PRDM16: variants seen among roughly 807,000 people sequenced by gnomAD.
PRDM16 encodes the protein histone-lysine N-methyltransferase PRDM16.
In PRDM16, 23 loss-of-function variants were observed where a neutral mutation model predicts 110.6. The ratio of observed to expected loss-of-function variants is 0.21; its 90% CI spans 0.15 to 0.29. The LOEUF is 0.29. PRDM16 is among the 10% of genes least tolerant of loss of function. The pLI is 1.00. For synonymous variants in PRDM16, 799 were observed against 781.8 expected (o/e 1.02, Z -0.37); for missense variants, 1,615 against 1,794.3 (o/e 0.90, Z 1.81).
At chr1:3,177,436 C>T (rs1569767995) in intron 1 of PRDM16, among the ~76,000 whole-genome samples, 1 of 152,236 alleles carries the variant, frequency 6.6e-6, no homozygotes, top group African/African-American at 2.4e-5. Context: ...TCTCCCAGCT[C>T]GTTCCTGACT....
In PRDM16 at chr1:3,426,124, C is replaced by A. The variant is rs761040406; in HGVS notation, c.3183C>A (p.Asn1061Lys). The change falls in exon 14 of 17, where the codon AAC becomes AAA. Residue 1061 changes from asparagine (N) to lysine (K), a missense_variant. Coordinates refer to ENST00000270722, the MANE Select transcript of PRDM16 (RefSeq NM_022114.4). ...SASSPTSESD[N>K]HALLDEKEDS... Reference sequence around the variant, plus strand: ...CCTCTCCCACCTCAGAGTCGGACAACCACGCACTTTTAGACGAGAAAGAAG... The same window carrying A: ...CCTCTCCCACCTCAGAGTCGGACAAACACGCACTTTTAGACGAGAAAGAAG... 1 of 1,613,998 alleles carries A rather than the reference C, an allele frequency of 6.2e-7. No individual in the cohort carries two copies. Among genetic ancestry groups the A allele is most frequent in the South Asian group, 1.1e-5 (1 of 91,058 alleles).
chr1:3,227,222 T>G (rs1639308256), intron 2 of PRDM16, among the ~76,000 whole-genome samples: 1 of 152,244 alleles, frequency 6.6e-6, no homozygotes, highest in African/African-American at 2.4e-5. Context: ...GGCGAGGACC[T>G]GCAGCTCACA....
chr1:3,432,111 C>T lies in PRDM16; in HGVS notation c.3667C>T (p.His1223Tyr), dbSNP rs1485523092. 8 of 1,613,766 alleles carry T rather than the reference C, an allele frequency of 5.0e-6. No homozygotes were observed. Among genetic ancestry groups the T allele is most frequent in the African/African-American group, 2.7e-5 (2 of 74,930 alleles). Residue 1223 changes from histidine to tyrosine, a missense_variant, in exon 16 of 17, where the codon CAT (histidine) becomes TAT (tyrosine). This residue lies in a region of PRDM16 where 327 missense variants were observed against 359.3 expected (regional missense o/e 0.91). Transcript: ENST00000270722. The part of the protein sequence containing the change: ...NSTLDSEALK[H>Y]TLCRQAKNQA... Reference sequence around the variant, plus strand: ...CACCTTAGATTCTGAGGCTTTAAAACATACACTGTGCAGGCAGGCTAAGAA... The same window carrying T: ...CACCTTAGATTCTGAGGCTTTAAAATATACACTGTGCAGGCAGGCTAAGAA...
At chr1:3,154,249 T>C (rs566328570) in intron 1 of PRDM16, among the ~76,000 whole-genome samples, 1 of 152,196 alleles carries the variant, frequency 6.6e-6, no homozygotes, top group African/African-American at 2.4e-5. Flanking sequence ...GGACTGGCGC[T>C]GTCACCACGG....
In PRDM16 at chr1:3,245,678, G is replaced by A. The variant is rs951147156; in HGVS notation, c.438+1541G>A. ...CTGGAGCAAATGGAGCAAATTCCAGGGCTGGTCTTTTCCACTTTCCCTCTT... is the reference window on the plus strand; with the variant it reads ...CTGGAGCAAATGGAGCAAATTCCAGAGCTGGTCTTTTCCACTTTCCCTCTT... On this transcript the variant is annotated intron_variant, in intron 3 of 16. Coordinates refer to ENST00000270722, the MANE Select transcript of PRDM16 (RefSeq NM_022114.4). The surrounding 1 kb of genome is among the most constrained non-coding windows in gnomAD (Gnocchi z 4.7). Among the ~76,000 whole-genome samples the A allele has an allele frequency of 6.6e-6, 1 of 152,138 alleles. No homozygotes were observed. The highest frequency in any genetic ancestry group is 2.4e-5 in the African/African-American group (1 of 41,432).
intron 2 of PRDM16, among the ~76,000 whole-genome samples, chr1:3,222,898 C>T (rs1192369530): frequency 6.6e-6 from 1 of 152,090 alleles, no homozygotes; most frequent in Non-Finnish European, 1.5e-5. Context: ...GCAGTTTGCC[C>T]TCAAGGCCGG....
At position 3,339,656 on chromosome 1, in the gene PRDM16, A is replaced by C. The variant is rs1642231853; in HGVS notation, c.439-45496A>C. Among the ~76,000 whole-genome samples, 1 of 151,834 alleles carries C rather than the reference A, an allele frequency of 6.6e-6. No homozygotes were observed. Among genetic ancestry groups the C allele is most frequent in the African/African-American group, 2.4e-5 (1 of 41,312 alleles). Reference sequence around the variant, plus strand: ...CGTGAAGGTGACAGTCCTACTGCGGACCCCTGGCTGCATTGTGTGTGTGGT... The same window carrying C: ...CGTGAAGGTGACAGTCCTACTGCGGCCCCCTGGCTGCATTGTGTGTGTGGT... On this transcript the variant is annotated intron_variant, in intron 3 of 16. Transcript: ENST00000270722. This position sits in a 1 kb window ranked among gnomAD's most constrained non-coding sequence, Gnocchi z 5.0.
chr1:3,396,588 TG>T lies in PRDM16; in HGVS notation c.673del (p.Asp225ThrfsTer119). ...VYPLGTVPPG[L>X]DEEPTFRCDE... The stretch of plus-strand genomic sequence containing the variant: ...CCCCTGGGCACAGTGCCGCCCGGCC[TG>T]GACGGTAAGACCCCTCCCCCAAACC... On this transcript the variant is annotated frameshift_variant, in exon 5 of 17. Coordinates refer to ENST00000270722, the MANE Select transcript of PRDM16 (RefSeq NM_022114.4). LOFTEE classifies it high-confidence loss of function. The T allele has an allele frequency of 6.4e-7, 1 of 1,563,410 alleles. No homozygotes were observed. The highest frequency in any genetic ancestry group is 8.7e-7 in the Non-Finnish European group (1 of 1,147,710).
chr1:3,304,901 T>C (rs1641279729), intron 3 of PRDM16, among the ~76,000 whole-genome samples: 1 of 152,052 alleles, frequency 6.6e-6, no homozygotes, highest in South Asian at 2.1e-4. Context: ...TATTCCTTCA[T>C]AGCCTGCCCT....
intron 1 of PRDM16, among the ~76,000 whole-genome samples, chr1:3,094,696 C>T (rs1052861054): frequency 1.3e-4 from 20 of 152,268 alleles, no homozygotes; most frequent in Non-Finnish European, 1.5e-5. Flanking sequence ...AACACGCAGA[C>T]ATTCTGTGAG....
chr1:3,159,838 C>T (rs144826835), intron 1 of PRDM16, among the ~76,000 whole-genome samples: 5 of 152,248 alleles, frequency 3.3e-5, no homozygotes, highest in East Asian at 1.9e-4. Flanking sequence ...TGGGCTCAGG[C>T]GAAAGGAGTG....
At chr1:3,076,963 T>G (rs1641915032) in intron 1 of PRDM16, among the ~76,000 whole-genome samples, 1 of 152,178 alleles carries the variant, frequency 6.6e-6, no homozygotes, top group Non-Finnish European at 1.5e-5. Context: ...TGAAGCCCCT[T>G]CTTGCTTCTC....
chr1:3,085,435 C>T (rs1381235029), intron 1 of PRDM16, among the ~76,000 whole-genome samples: 5 of 152,214 alleles, frequency 3.3e-5, no homozygotes, highest in Non-Finnish European at 7.4e-5. Flanking sequence ...AGCAGGGCCC[C>T]CCAGGGCTCC....
chr1:3,230,940 G>A (rs1020996314), intron 2 of PRDM16, among the ~76,000 whole-genome samples: 3 of 152,122 alleles, frequency 2.0e-5, no homozygotes, highest in African/African-American at 7.2e-5. Context: ...ACCTCTGCTC[G>A]TGGAAGCCTC....
chr1:3,230,035 G>C (rs2651886), intron 2 of PRDM16, among the ~76,000 whole-genome samples: 44,852 of 152,216 alleles, frequency 0.29, 11,336 homozygotes, highest in African/African-American at 0.68. Context: ...TCGGATGCAT[G>C]GCTGTGGCCC....
intron 6 of PRDM16, among the ~76,000 whole-genome samples, chr1:3,404,448 G>A (rs574190758): frequency 6.6e-6 from 1 of 152,394 alleles, no homozygotes; most frequent in Admixed American, 6.5e-5. Flanking sequence ...CCCAGGGAGT[G>A]TGGGCCGGGG....
chr1:3,117,667 G>A (rs1248237030), intron 1 of PRDM16, among the ~76,000 whole-genome samples: 3 of 152,208 alleles, frequency 2.0e-5, no homozygotes, highest in Admixed American at 6.5e-5. Context: ...CTTCTGGAGG[G>A]GGCCCGGCAA....
intron 1 of PRDM16, among the ~76,000 whole-genome samples, chr1:3,130,228 G>T (rs1262344758): frequency 6.6e-6 from 1 of 152,188 alleles, no homozygotes; most frequent in Non-Finnish European, 1.5e-5. Flanking sequence ...CCTGGAGGCC[G>T]ACTGCCAGAG....
chr1:3,341,872 T>G (rs1570105066), intron 3 of PRDM16, among the ~76,000 whole-genome samples: 1 of 152,368 alleles, frequency 6.6e-6, no homozygotes, highest in Middle Eastern at 3.4e-3. Context: ...CTGAGGCAGG[T>G]GAGTCCGGGC....
Sources: allele counts gnomAD v4.1 joint callset (sites outside exome capture counted in the v4.1 genomes callset), GRCh38; gene constraint gnomAD v4.1.1; regional missense constraint gnomAD v4.1.1; non-coding constraint Gnocchi (gnomAD v3.1); transcripts MANE v1.5; gene names NCBI Gene and HGNC (gene_info 2026-07-23, HGNC 2026-07-21).